DDI2: variants seen among roughly 807,000 people sequenced by gnomAD.
The protein encoded by DDI2 is protein DDI1 homolog 2.
Under a neutral mutation model 48.1 loss-of-function variants are expected in DDI2, and 5 were observed. The observed-to-expected ratio is 0.10, with a 90% CI of 0.05 to 0.22. The LOEUF (loss-of-function observed/expected upper bound fraction) is 0.22, where lower values mean the gene tolerates loss of function less well. Ranked by LOEUF, DDI2 falls within the 10% of genes least tolerant of loss-of-function variation. The probability of loss-of-function intolerance (pLI) is 1.00; values close to 1 mark genes in which losing one functional copy is unlikely to be tolerated. For synonymous variants in DDI2, 205 were observed against 183.6 expected (o/e 1.12, Z -0.94); for missense variants, 285 against 506.2 (o/e 0.56, Z 4.19).
chr1:15,640,316 T>C (rs1190791117), intron 5 of DDI2, among the ~76,000 whole-genome samples: 1 of 152,232 alleles, frequency 6.6e-6, no homozygotes, highest in African/African-American at 2.4e-5. Context: ...AATATCTCTA[T>C]GTACTTTGTT....
chr1:15,652,453 G>T lies in DDI2; in HGVS notation c.1183+558G>T, dbSNP rs1045708041. Among the ~76,000 whole-genome samples the T allele has an allele frequency of 1.2e-4, 11 of 91,170 alleles. 1 individual carries two copies. The highest frequency in any genetic ancestry group is 2.8e-4 in the African/African-American group (7 of 25,316). 59.8% of individuals were successfully genotyped at this position (91,170 alleles called of 152,430 possible). ...CAGCACTTTGGGAGGCTCCGGAGGGGGGGGGGGGGGGGCGGATCACCTGAG... is the reference window on the plus strand; with the variant it reads ...CAGCACTTTGGGAGGCTCCGGAGGGTGGGGGGGGGGGGCGGATCACCTGAG... On this transcript the variant is annotated intron_variant, in intron 8 of 9. Transcript: ENST00000480945.
At position 15,661,682 on chromosome 1, in the gene DDI2, T is replaced by TTCTTG. The variant is rs1640383542; in HGVS notation, c.*1894_*1898dup. ...GTTGGTGGGAATGCAGACCTTGCAC[T>TTCTTG]TCTTGTTTTGCTCGCAAAAAACATC... is the stretch of plus-strand genomic sequence containing the variant. On this transcript the variant is annotated 3_prime_UTR_variant, in exon 10 of 10. Transcript: ENST00000480945. 2 of 1,612,962 alleles carry TTCTTG rather than the reference T, an allele frequency of 1.2e-6. No individual in the cohort carries two copies. The highest frequency in any genetic ancestry group is 8.5e-7 in the Non-Finnish European group (1 of 1,179,288).
At chr1:15,622,670 C>G (rs1050504311) in intron 1 of DDI2, among the ~76,000 whole-genome samples, 1 of 151,280 alleles carries the variant, frequency 6.6e-6, no homozygotes, top group South Asian at 2.1e-4. Context: ...AGCGGATCCC[C>G]TTTTGTTTTT....
At chr1:15,657,633 TTATAAC>T (rs1473903328) in intron 9 of DDI2, among the ~76,000 whole-genome samples, 5 of 152,202 alleles carry the variant, frequency 3.3e-5, no homozygotes, top group Non-Finnish European at 7.3e-5. Flanking sequence ...CCTCACTTGT[TTATAAC>T]TAACACACAA....
chr1:15,650,924 GGCTAACTGCAA>G (rs1456749969), intron 7 of DDI2, among the ~76,000 whole-genome samples: 2 of 152,082 alleles, frequency 1.3e-5, no homozygotes, highest in Admixed American at 1.3e-4. Context: ...GTGCAATCTT[GGCTAACTGCAA>G]GCTTCGCCTC....
chr1:15,646,543 C>G (rs546198686), intron 6 of DDI2, among the ~76,000 whole-genome samples: 1 of 151,960 alleles, frequency 6.6e-6, no homozygotes, highest in Non-Finnish European at 1.5e-5. Flanking sequence ...AAAAATTAGC[C>G]GGGCGTGGTG....
At chr1:15,631,863 T>C (rs2103465858) in intron 3 of DDI2, among the ~76,000 whole-genome samples, 1 of 152,028 alleles carries the variant, frequency 6.6e-6, no homozygotes, top group Non-Finnish European at 1.5e-5. Context: ...TGGAGTGCAG[T>C]GGCGCGATCT....
chr1:15,639,519 G>A (rs1463534668), intron 5 of DDI2, among the ~76,000 whole-genome samples: 1 of 152,160 alleles, frequency 6.6e-6, no homozygotes, highest in East Asian at 1.9e-4. Flanking sequence ...AGGCTAGAGT[G>A]CAGTGGTGCA....
intron 6 of DDI2, among the ~76,000 whole-genome samples, chr1:15,646,595 G>A (rs1640095617): frequency 6.6e-6 from 1 of 152,160 alleles, no homozygotes; most frequent in Admixed American, 6.5e-5. Context: ...GCTGAGGCAG[G>A]AGAATCGCTT....
chr1:15,659,971 G>A lies in DDI2; in HGVS notation c.*181G>A. Reference sequence around the variant, plus strand: ...TATGAGTCTTGCTCGCTCTGTCTCTGCTTCAGTCTGCCCTATCAAGCCCAG... The same window carrying A: ...TATGAGTCTTGCTCGCTCTGTCTCTACTTCAGTCTGCCCTATCAAGCCCAG... On this transcript the variant is annotated 3_prime_UTR_variant, in exon 10 of 10. Coordinates refer to ENST00000480945, the MANE Select transcript of DDI2 (RefSeq NM_032341.5). The A allele has an allele frequency of 6.2e-7, 1 of 1,614,182 alleles. No individual in the cohort carries two copies. The highest frequency in any genetic ancestry group is 8.5e-7 in the Non-Finnish European group (1 of 1,180,038).
chr1:15,633,290 G>A (rs1639876127), intron 3 of DDI2, 149 bp from the exon 4 acceptor site: 1 of 862,504 alleles, frequency 1.2e-6, no homozygotes, highest in Non-Finnish European at 1.7e-6. Flanking sequence ...AGAACAGAAA[G>A]TAAATGTAAT....
chr1:15,641,229 T>C (rs1295768021), intron 5 of DDI2, among the ~76,000 whole-genome samples: 1 of 152,026 alleles, frequency 6.6e-6, no homozygotes, highest in African/African-American at 2.4e-5. Context: ...CCCAGCACGT[T>C]GGGAGGCTGA....
chr1:15,626,261 A>G (rs1477350732), intron 1 of DDI2, among the ~76,000 whole-genome samples: 1 of 152,228 alleles, frequency 6.6e-6, no homozygotes, highest in Non-Finnish European at 1.5e-5. Flanking sequence ...CAGAAGGACA[A>G]TAAGTAAATA....
intron 8 of DDI2, among the ~76,000 whole-genome samples, chr1:15,652,426 C>T (rs1257800231): frequency 2.9e-5 from 3 of 103,762 alleles, no homozygotes; most frequent in South Asian, 3.2e-4. Context: ...GCCTGTTAAT[C>T]CCAGCACTTT....
chr1:15,638,147 A>G (rs1054231509), intron 4 of DDI2, among the ~76,000 whole-genome samples, 160 bp from the exon 5 acceptor site: 7 of 152,186 alleles, frequency 4.6e-5, no homozygotes, highest in Non-Finnish European at 1.0e-4. Flanking sequence ...CTCTTTGGAA[A>G]TGATCTCTTG....
At chr1:15,635,451 G>T (rs1402637646) in intron 4 of DDI2, among the ~76,000 whole-genome samples, 1 of 152,146 alleles carries the variant, frequency 6.6e-6, no homozygotes, top group Non-Finnish European at 1.5e-5. Context: ...TGTCGCCCAG[G>T]CCTGAGTTCA....
intron 3 of DDI2, among the ~76,000 whole-genome samples, chr1:15,632,454 A>G (rs1490135932): frequency 2.6e-5 from 4 of 151,890 alleles, no homozygotes; most frequent in Non-Finnish European, 5.9e-5. Context: ...AATCACTTGA[A>G]CCTGGGAGGT....
chr1:15,636,758 C>T (rs1054786987), intron 4 of DDI2, among the ~76,000 whole-genome samples: 6 of 152,220 alleles, frequency 3.9e-5, no homozygotes, highest in Middle Eastern at 3.2e-3. Flanking sequence ...CTGTGCCAGG[C>T]CTTAGTGGAC....
chr1:15,646,514 C>G (rs1392570096), intron 6 of DDI2, among the ~76,000 whole-genome samples: 3 of 152,152 alleles, frequency 2.0e-5, no homozygotes. Flanking sequence ...TGGTGAAACC[C>G]TGTCTCTACT....
Sources: allele counts gnomAD v4.1 joint callset (sites outside exome capture counted in the v4.1 genomes callset), GRCh38; gene constraint gnomAD v4.1.1; transcripts MANE v1.5; gene names NCBI Gene and HGNC (gene_info 2026-07-23, HGNC 2026-07-21).